Variants in INPP4B observed in about 807,000 individuals in gnomAD.
The protein encoded by INPP4B is inositol polyphosphate-4-phosphatase type II B.
Under a neutral mutation model 122.5 loss-of-function variants are expected in INPP4B, and 55 were observed. The ratio of observed to expected loss-of-function variants is 0.45; its 90% CI spans 0.36 to 0.56. INPP4B has a LOEUF of 0.56. Among genes scored for constraint, INPP4B ranks in the 20% least tolerant of loss-of-function variants. The probability of loss-of-function intolerance (pLI) is 0.00; values close to 1 mark genes in which losing one functional copy is unlikely to be tolerated. For missense variants in INPP4B, 1,000 were observed against 1,097.7 expected (o/e 0.91, Z 1.26); for synonymous variants, 403 against 388.7 (o/e 1.04, Z -0.43).
intron 17 of INPP4B, among the ~76,000 whole-genome samples, chr4:142,159,825 T>C (rs1819182253): frequency 6.6e-6 from 1 of 152,032 alleles, no homozygotes; most frequent in African/African-American, 2.4e-5. Context: ...TTTCGTATCA[T>C]TTTATGAGGC....
chr4:142,629,731 T>C (rs892155640), intron 2 of INPP4B, among the ~76,000 whole-genome samples: 3 of 152,044 alleles, frequency 2.0e-5, no homozygotes, highest in Non-Finnish European at 2.9e-5. Context: ...TAAAATACAA[T>C]GTTGGAAGCA....
chr4:142,115,316 C>T (rs915452763), intron 21 of INPP4B, among the ~76,000 whole-genome samples: 1 of 152,118 alleles, frequency 6.6e-6, no homozygotes, highest in African/African-American at 2.4e-5. Context: ...GAGAACACCA[C>T]AAAGATATTC....
At chr4:142,842,418 T>G (rs940654270) in intron 1 of INPP4B, among the ~76,000 whole-genome samples, 2 of 150,408 alleles carry the variant, frequency 1.3e-5, no homozygotes, top group Non-Finnish European at 3.0e-5. Flanking sequence ...GGCTCCTAGA[T>G]ATTCCATTGG....
chr4:142,041,723 G>C (rs1364025682), intron 25 of INPP4B, among the ~76,000 whole-genome samples: 2 of 152,064 alleles, frequency 1.3e-5, no homozygotes, highest in African/African-American at 4.8e-5. Context: ...GCTCAGTTCT[G>C]GCTCTTTTTT....
At chr4:142,809,587 T>C (rs80107850) in intron 1 of INPP4B, among the ~76,000 whole-genome samples, 1,742 of 152,284 alleles carry the variant, frequency 0.011, 30 homozygotes, top group African/African-American at 0.039. Flanking sequence ...GACTGAATCT[T>C]CATTTACAAG....
At chr4:142,068,666 A>G (rs1035166262) in intron 25 of INPP4B, among the ~76,000 whole-genome samples, 2 of 152,152 alleles carry the variant, frequency 1.3e-5, no homozygotes, top group African/African-American at 4.8e-5. Context: ...AACAAAAAAA[A>G]GCAGGGGTTG....
In INPP4B at chr4:142,737,448, T is replaced by C. The variant is rs958128934; in HGVS notation, c.-253-11547A>G. On this transcript the variant is annotated intron_variant, in intron 1 of 25. Transcript: ENST00000262992. ...AACTGGATCCCTTCCTTACACCTTA[T>C]ACAAAAATTAATTCAAGATGGATTA... 8.7e-3 allele frequency among the ~76,000 whole-genome samples: 1,321 copies of C among 152,146 alleles called. 24 individuals carry two copies. Among genetic ancestry groups the C allele is most frequent in the African/African-American group, 0.031 (1,270 of 41,510 alleles).
At chr4:142,579,539 G>T (rs1027220622) in intron 2 of INPP4B, among the ~76,000 whole-genome samples, 2 of 151,930 alleles carry the variant, frequency 1.3e-5, no homozygotes, top group African/African-American at 2.4e-5. Context: ...AAAGCAGATT[G>T]CCCTTTGTAA....
intron 1 of INPP4B, among the ~76,000 whole-genome samples, chr4:142,785,459 T>A (rs1459748237): frequency 6.6e-6 from 1 of 151,872 alleles, no homozygotes; most frequent in Non-Finnish European, 1.5e-5. Context: ...AGTATATGGA[T>A]AATGTAAGCA....
intron 2 of INPP4B, among the ~76,000 whole-genome samples, chr4:142,538,673 C>T (rs1310116326): frequency 1.3e-5 from 2 of 151,978 alleles, no homozygotes; most frequent in African/African-American, 2.4e-5. Flanking sequence ...AGAAATTGCA[C>T]CCTGGTGAAG....
chr4:142,427,553 T>C, intron 5 of INPP4B: 1 of 579,356 alleles, frequency 1.7e-6, no homozygotes. Flanking sequence ...GTTAGGTCTT[T>C]GAACAAGATA....
At chr4:142,602,398 C>A (rs1022106499) in intron 2 of INPP4B, among the ~76,000 whole-genome samples, 4 of 152,132 alleles carry the variant, frequency 2.6e-5, no homozygotes, top group Non-Finnish European at 4.4e-5. Flanking sequence ...AATGGCAATA[C>A]TTTCCAAAAT....
chr4:142,635,366 C>T (rs377048690), intron 2 of INPP4B, among the ~76,000 whole-genome samples: 4 of 152,120 alleles, frequency 2.6e-5, no homozygotes, highest in African/African-American at 9.7e-5. Context: ...GGGTATATAC[C>T]TGAAGAATAG....
intron 2 of INPP4B, among the ~76,000 whole-genome samples, chr4:142,692,806 A>C (rs13150837): frequency 0.78 from 118,508 of 151,888 alleles, 46,925 homozygotes; most frequent in East Asian, 0.85. Context: ...TTTAAAATAT[A>C]AACTCTTTGT....
intron 1 of INPP4B, among the ~76,000 whole-genome samples, chr4:142,734,568 T>TA (rs1372532611): frequency 6.6e-6 from 1 of 152,186 alleles, no homozygotes; most frequent in Non-Finnish European, 1.5e-5. Flanking sequence ...TTTCCTTCGA[T>TA]ACACTTTTCA....
intron 2 of INPP4B, among the ~76,000 whole-genome samples, chr4:142,554,016 C>CT (rs2150088155): frequency 6.6e-6 from 1 of 152,070 alleles, no homozygotes; most frequent in Non-Finnish European, 1.5e-5. Flanking sequence ...TGCTGAAACT[C>CT]TGTCTCTACT....
chr4:142,372,146 C>T (rs1012339331), intron 7 of INPP4B, among the ~76,000 whole-genome samples: 10 of 152,008 alleles, frequency 6.6e-5, no homozygotes, highest in South Asian at 4.1e-4. Context: ...ATGGATGGAA[C>T]TGGAGGTCAT....
intron 2 of INPP4B, among the ~76,000 whole-genome samples, chr4:142,532,867 A>G (rs1022544686): frequency 7.9e-5 from 12 of 152,188 alleles, no homozygotes; most frequent in African/African-American, 2.7e-4. Context: ...TTCAAAGTTC[A>G]TTCATCTGCT....
chr4:142,842,865 G>C (rs1194425344), intron 1 of INPP4B, among the ~76,000 whole-genome samples: 1 of 130,724 alleles, frequency 7.6e-6, no homozygotes, highest in African/African-American at 2.8e-5. Context: ...TATAAATAAT[G>C]ATATATATAA....
Sources: allele counts gnomAD v4.1 joint callset (sites outside exome capture counted in the v4.1 genomes callset), GRCh38; gene constraint gnomAD v4.1.1; transcripts MANE v1.5; gene names NCBI Gene and HGNC (gene_info 2026-07-23, HGNC 2026-07-21).